Variants in PBX2 observed in about 807,000 individuals in gnomAD.
PBX2 encodes PBX homeobox 2.
A neutral mutation model predicts 46.5 loss-of-function variants in PBX2; 10 were observed. That is an observed-to-expected ratio of 0.21 (90% CI 0.13 to 0.36). PBX2 has a LOEUF of 0.36. Among genes scored for constraint, PBX2 ranks in the 10% least tolerant of loss-of-function variants. The pLI is 1.00. For missense variants in PBX2, 392 were observed against 580.5 expected, an observed-to-expected ratio of 0.68 and a Z score of 3.34; for synonymous variants, 160 against 222.5, an observed-to-expected ratio of 0.72 and a Z score of 2.50.
chr6:32,187,941 G>T lies in PBX2; in HGVS notation c.734+25C>A, dbSNP rs1400091041. On this transcript the variant is annotated intron_variant, in intron 4 of 8. Transcript: ENST00000375050. The surrounding 1 kb of genome is among the most constrained non-coding windows in gnomAD (Gnocchi z 7.7). ...AATGGGAAGGAGCCCAGTGCTGGGGGCCAGCCTGGGGTCCCTGGGCCCACC... is the reference window on the plus strand; with the variant it reads ...AATGGGAAGGAGCCCAGTGCTGGGGTCCAGCCTGGGGTCCCTGGGCCCACC... 1.3e-6 allele frequency: 2 copies of T among 1,525,130 alleles called. No individual in the cohort carries two copies. The highest frequency in any genetic ancestry group is 2.4e-5 in the East Asian group (1 of 42,416). The allele number at this position is 1,525,130 out of a possible 1,614,324, so 94.5% of individuals were successfully genotyped here. A position where few individuals can be genotyped will look rare whatever the true frequency, so the allele number is the denominator to read the frequency against.
chr6:32,185,280 GGAA>G lies in PBX2; in HGVS notation c.*1099_*1101del, dbSNP rs1303228248. ...AGTCCAGCCCTGCCCAAGGGTTGTGGGAAGAAGGGGGATGAGAGGCCAGCAGGG... is the reference window on the plus strand; with the variant it reads ...AGTCCAGCCCTGCCCAAGGGTTGTGGGAAGGGGGATGAGAGGCCAGCAGGG... On this transcript the variant is annotated 3_prime_UTR_variant, in exon 9 of 9. Coordinates refer to ENST00000375050, the MANE Select transcript of PBX2 (RefSeq NM_002586.5). The G allele has an allele frequency of 6.6e-6, 1 of 152,420 alleles. No individual in the cohort carries two copies. Among genetic ancestry groups the G allele is most frequent in the Non-Finnish European group, 1.5e-5 (1 of 67,990 alleles). 9.4% of individuals were successfully genotyped at this position (152,420 alleles called of 1,614,324 possible). A position where few individuals can be genotyped will look rare whatever the true frequency, so the allele number is the denominator to read the frequency against.
rs371557584 is a variant in PBX2 at position 32,187,472 on chromosome 6, A to AT, written c.871-78dup. ...CACTGAATAAGATGTGAGTGACAGCATTTTTTTTTTTTTTGCTTCCTGGTC... is the reference window on the plus strand; with the variant it reads ...CACTGAATAAGATGTGAGTGACAGCATTTTTTTTTTTTTTTGCTTCCTGGTC... On this transcript the variant is annotated intron_variant, in intron 5 of 8. Coordinates refer to ENST00000375050, the MANE Select transcript of PBX2 (RefSeq NM_002586.5). The surrounding 1 kb of genome is among the most constrained non-coding windows in gnomAD (Gnocchi z 7.7). 37,034 of 1,338,872 alleles carry AT rather than the reference A, an allele frequency of 0.028. 1 individual carries two copies. The highest frequency in any genetic ancestry group is 0.033 in the Non-Finnish European group (32,183 of 976,394). The allele number at this position is 1,338,872 out of a possible 1,614,324, so 82.9% of individuals were successfully genotyped here.
At position 32,187,049 on chromosome 6, in the gene PBX2, G is replaced by A; in HGVS notation, c.1025-148C>T. On this transcript the variant is annotated intron_variant, in intron 6 of 8. Coordinates refer to ENST00000375050, the MANE Select transcript of PBX2 (RefSeq NM_002586.5). This position sits in a 1 kb window ranked among gnomAD's most constrained non-coding sequence, Gnocchi z 7.7. Reference sequence around the variant, plus strand: ...ACACAGAAAGAGCAGGCTGTTCCTTGGCCACCCGTGGGAAGAAAGGCAGAA... The same window carrying A: ...ACACAGAAAGAGCAGGCTGTTCCTTAGCCACCCGTGGGAAGAAAGGCAGAA... The A allele has an allele frequency of 9.8e-7, 1 of 1,016,898 alleles. No individual in the cohort carries two copies. The highest frequency in any genetic ancestry group is 1.5e-6 in the Non-Finnish European group (1 of 686,918). 63.0% of individuals were successfully genotyped at this position (1,016,898 alleles called of 1,614,324 possible). A position where few individuals can be genotyped will look rare whatever the true frequency, so the allele number is the denominator to read the frequency against.
Position 32,186,364 on chromosome 6 carries a change from TGACCCTGAGGGGCAA to T in PBX2, c.*3_*17del, listed in dbSNP as rs1249394772. The T allele has an allele frequency of 6.4e-7, 1 of 1,558,740 alleles. No individual in the cohort carries two copies. The highest frequency in any genetic ancestry group is 8.8e-7 in the Non-Finnish European group (1 of 1,132,182). On this transcript the variant is annotated 3_prime_UTR_variant, in exon 9 of 9. Coordinates refer to ENST00000375050, the MANE Select transcript of PBX2 (RefSeq NM_002586.5). The surrounding 1 kb of genome is among the most constrained non-coding windows in gnomAD (Gnocchi z 4.2). ...CGCCTTGTGAGAGCCCCCACCCCTG[TGACCCTGAGGGGCAA>T]GATCAGTTGGAGGTATCAGAGTGAA...
In PBX2 at chr6:32,186,148, AG is replaced by A; in HGVS notation, c.*233del. On this transcript the variant is annotated 3_prime_UTR_variant, in exon 9 of 9. Coordinates refer to ENST00000375050, the MANE Select transcript of PBX2 (RefSeq NM_002586.5). The surrounding 1 kb of genome is among the most constrained non-coding windows in gnomAD (Gnocchi z 4.2). The stretch of plus-strand genomic sequence containing the variant: ...TTCTGTGTAAGAAAGAAAGCGAGAG[AG>A]GAAAAAGATGGAAAAAAGGGAGAGA... The A allele has an allele frequency of 1.8e-6, 1 of 569,428 alleles. No homozygotes were observed. 35.3% of individuals were successfully genotyped at this position (569,428 alleles called of 1,614,324 possible). A position where few individuals can be genotyped will look rare whatever the true frequency, so the allele number is the denominator to read the frequency against.
rs766063887 is a variant in PBX2 at position 32,187,825 on chromosome 6, C to T, written c.735-43G>A. 9 of 1,604,442 alleles carry T rather than the reference C, an allele frequency of 5.6e-6. No homozygotes were observed. The East Asian group carries it at 2.0e-4, about 36-fold the overall frequency. On this transcript the variant is annotated intron_variant, in intron 4 of 8. Coordinates refer to ENST00000375050, the MANE Select transcript of PBX2 (RefSeq NM_002586.5). This position sits in a 1 kb window ranked among gnomAD's most constrained non-coding sequence, Gnocchi z 7.7. ...GAGCAGTGAGGAGGATGTTGATGTC[C>T]TGGCAGGGCTGTCACATGGCATGAC...
rs1256634645 is a variant in PBX2, at chr6:32,187,571, T to G, written c.870+76A>C. On this transcript the variant is annotated intron_variant, in intron 5 of 8. Coordinates refer to ENST00000375050, the MANE Select transcript of PBX2 (RefSeq NM_002586.5). This position sits in a 1 kb window ranked among gnomAD's most constrained non-coding sequence, Gnocchi z 7.7. ...CTTCAGCCTCCCTAGTAGCTGGGAT[T>G]ACAGGAACACACCACTGCACCTAGC... 7.2e-6 allele frequency: 11 copies of G among 1,535,100 alleles called. 1 individual carries two copies. The South Asian group carries it at 1.2e-4, about 17-fold the overall frequency.
chr6:32,186,678 G>A lies in PBX2; in HGVS notation c.1126C>T (p.Arg376Ter), dbSNP rs1407260511. Residue 376 changes from arginine to a stop codon, truncating the protein, a stop_gained, in exon 8 of 9, where the codon CGA becomes TGA. Transcript: ENST00000375050. LOFTEE classifies it high-confidence loss of function. This position sits in a 1 kb window ranked among gnomAD's most constrained non-coding sequence, Gnocchi z 4.2. The part of the protein sequence containing the change: ...SYSASQVESL[R>*]HSMGPGGYGD... ...TAGCCCCCTGGCCCCATCGAGTGTC[G>A]GAGTGATTCCACCTGCAGGCAGCAG... The A allele has an allele frequency of 3.7e-6, 6 of 1,612,738 alleles. No homozygotes were observed. The highest frequency in any genetic ancestry group is 5.1e-6 in the Non-Finnish European group (6 of 1,178,784).
Position 32,188,294 on chromosome 6 carries a change from C to T in PBX2, c.506G>A (p.Arg169His), listed in dbSNP as rs143856649. The change falls in exon 3 of 9, where the codon CGT (arginine) becomes CAT (histidine). Residue 169 changes from arginine to histidine, a missense_variant. By Grantham distance (29) the Arg-to-His change is conservative. Coordinates refer to ENST00000375050, the MANE Select transcript of PBX2 (RefSeq NM_002586.5). The surrounding 1 kb of genome is among the most constrained non-coding windows in gnomAD (Gnocchi z 6.5). ...SDYRSKLAQIRHIYHSELEKY... is the reference protein window; with the variant it reads ...SDYRSKLAQIHHIYHSELEKY... The stretch of plus-strand genomic sequence containing the variant: ...CTCCAGCTCCGAGTGGTATATGTGA[C>T]GGATCTGGGCAAGTTTGCTGCGATA... 5 of 1,613,858 alleles carry T rather than the reference C, an allele frequency of 3.1e-6. No homozygotes were observed. Among genetic ancestry groups the T allele is most frequent in the Non-Finnish European group, 4.2e-6 (5 of 1,180,044 alleles).
Position 32,188,704 on chromosome 6 carries a change from C to T in PBX2, c.295+19G>A. The T allele has an allele frequency of 6.2e-7, 1 of 1,611,850 alleles. No individual in the cohort carries two copies. The highest frequency in any genetic ancestry group is 8.5e-7 in the Non-Finnish European group (1 of 1,179,200). On this transcript the variant is annotated intron_variant, in intron 2 of 8. Coordinates refer to ENST00000375050, the MANE Select transcript of PBX2 (RefSeq NM_002586.5). This position sits in a 1 kb window ranked among gnomAD's most constrained non-coding sequence, Gnocchi z 6.5. ...GGTTCTGTTCCCAGAGTTGAGCAAT[C>T]CGGGGGGGGCCCACATACCAGTTTT... is the stretch of plus-strand genomic sequence containing the variant.
chr6:32,186,970 C>T lies in PBX2; in HGVS notation c.1025-69G>A, dbSNP rs746750862. 2.2e-6 allele frequency: 3 copies of T among 1,336,462 alleles called. No individual in the cohort carries two copies. The highest frequency in any genetic ancestry group is 3.2e-6 in the Non-Finnish European group (3 of 931,468). The allele number at this position is 1,336,462 out of a possible 1,614,324, so 82.8% of individuals were successfully genotyped here. On this transcript the variant is annotated intron_variant, in intron 6 of 8. Transcript: ENST00000375050. The surrounding 1 kb of genome is among the most constrained non-coding windows in gnomAD (Gnocchi z 4.2). The stretch of plus-strand genomic sequence containing the variant: ...GTAGAGGATGAACCACAACTCTCAA[C>T]TCTTGTGGGGACATGCTACTATACT...
At position 32,186,352 on chromosome 6, in the gene PBX2, C is replaced by T. The variant is rs781637389; in HGVS notation, c.*30G>A. On this transcript the variant is annotated 3_prime_UTR_variant, in exon 9 of 9. Transcript: ENST00000375050. This position sits in a 1 kb window ranked among gnomAD's most constrained non-coding sequence, Gnocchi z 4.2. ...TCCTCTTCAAGTCGCCTTGTGAGAG[C>T]CCCCACCCCTGTGACCCTGAGGGGC... The T allele has an allele frequency of 2.8e-5, 41 of 1,489,676 alleles. No individual in the cohort carries two copies. Among genetic ancestry groups the T allele is most frequent in the Non-Finnish European group, 3.5e-5 (37 of 1,070,836 alleles). The allele number at this position is 1,489,676 out of a possible 1,614,324, so 92.3% of individuals were successfully genotyped here.
rs1345595490 is a variant in PBX2 at position 32,187,458 on chromosome 6, AT to A, written c.871-64del. 8.4e-6 allele frequency: 13 copies of A among 1,549,260 alleles called. No homozygotes were observed. The highest frequency in any genetic ancestry group is 1.8e-5 in the Admixed American group (1 of 54,650). On this transcript the variant is annotated intron_variant, in intron 5 of 8. Transcript: ENST00000375050. The surrounding 1 kb of genome is among the most constrained non-coding windows in gnomAD (Gnocchi z 7.7). ...CCTCTGAAGTCCTTCACTGAATAAGATGTGAGTGACAGCATTTTTTTTTTTT... is the reference window on the plus strand; with the variant it reads ...CCTCTGAAGTCCTTCACTGAATAAGAGTGAGTGACAGCATTTTTTTTTTTT...
chr6:32,187,427 C>T lies in PBX2; in HGVS notation c.871-32G>A. On this transcript the variant is annotated intron_variant, in intron 5 of 8. Transcript: ENST00000375050. The surrounding 1 kb of genome is among the most constrained non-coding windows in gnomAD (Gnocchi z 7.7). Reference sequence around the variant, plus strand: ...GGCAGAAAGGAGGGTCAGGTAGAAACATTTGCCTCTGAAGTCCTTCACTGA... The same window carrying T: ...GGCAGAAAGGAGGGTCAGGTAGAAATATTTGCCTCTGAAGTCCTTCACTGA... 3.1e-6 allele frequency: 5 copies of T among 1,608,288 alleles called. No homozygotes were observed. The South Asian group carries it at 5.5e-5, about 18-fold the overall frequency.
At position 32,185,706 on chromosome 6, in the gene PBX2, A is replaced by AC. The variant is rs1787049619; in HGVS notation, c.*675_*676insG. ...GTTTCTTTTTCTTTCTTTAAAAAAAAAAAAGTTCAACCCCAAAGCCCAGTC... is the reference window on the plus strand; with the variant it reads ...GTTTCTTTTTCTTTCTTTAAAAAAAACAAAAGTTCAACCCCAAAGCCCAGTC... On this transcript the variant is annotated 3_prime_UTR_variant, in exon 9 of 9. Coordinates refer to ENST00000375050, the MANE Select transcript of PBX2 (RefSeq NM_002586.5). 6.6e-6 allele frequency: 1 copy of AC among 152,476 alleles called. No individual in the cohort carries two copies. Among genetic ancestry groups the AC allele is most frequent in the Non-Finnish European group, 1.5e-5 (1 of 68,022 alleles). The allele number at this position is 152,476 out of a possible 1,614,324, so 9.4% of individuals were successfully genotyped here.
In PBX2 at chr6:32,187,721, G is replaced by A. The variant is rs1196368040; in HGVS notation, c.796C>T (p.His266Tyr). 1.9e-6 allele frequency: 3 copies of A among 1,611,142 alleles called. No individual in the cohort carries two copies. Reference sequence around the variant, plus strand: ...TCACTAGGATATGGGTTACTCAGGTGGGAGTAGAAATACTCATTTAGGACC... The same window carrying A: ...TCACTAGGATATGGGTTACTCAGGTAGGAGTAGAAATACTCATTTAGGACC... The part of the protein sequence containing the change: ...TEVLNEYFYS[H>Y]LSNPYPSEEA... Residue 266 changes from histidine (H) to tyrosine (Y), a missense_variant, in exon 5 of 9, where the codon CAC (histidine) becomes TAC (tyrosine). Around this residue, in one of 3 missense-constraint regions of PBX2, gnomAD observed 80 missense variants for 175.7 expected, o/e 0.46. Coordinates refer to ENST00000375050, the MANE Select transcript of PBX2 (RefSeq NM_002586.5). The surrounding 1 kb of genome is among the most constrained non-coding windows in gnomAD (Gnocchi z 7.7).
chr6:32,187,772 G>A lies in PBX2; in HGVS notation c.745C>T (p.Arg249Cys), dbSNP rs1396410221. The part of the protein sequence containing the change: ...SRFLDARRKR[R>C]NFSKQATEVL... ...TCAGTGGCCTGTTTGCTGAAGTTAC[G>A]GCGCTTTCGTCTACAGAGGAGGGAG... is the stretch of plus-strand genomic sequence containing the variant. Residue 249 changes from arginine (R) to cysteine (C), a missense_variant, in exon 5 of 9, where the codon CGT becomes TGT. Around this residue, in one of 3 missense-constraint regions of PBX2, gnomAD observed 80 missense variants for 175.7 expected, o/e 0.46. Coordinates refer to ENST00000375050, the MANE Select transcript of PBX2 (RefSeq NM_002586.5). This position sits in a 1 kb window ranked among gnomAD's most constrained non-coding sequence, Gnocchi z 7.7. 7.4e-6 allele frequency: 12 copies of A among 1,612,644 alleles called. No homozygotes were observed. Among genetic ancestry groups the A allele is most frequent in the Middle Eastern group, 3.3e-4 (2 of 6,084 alleles).
In PBX2 at chr6:32,190,091, C is replaced by T. The variant is rs1787373617; in HGVS notation, c.-176G>A. On this transcript the variant is annotated 5_prime_UTR_variant, in exon 1 of 9. Transcript: ENST00000375050. ...GGCACTGAAGGGAGACCTGGGATAC[C>T]GGCTGGGCCCCCCACAGGAGACCCC... 6.5e-6 allele frequency: 3 copies of T among 462,326 alleles called. No individual in the cohort carries two copies. The highest frequency in any genetic ancestry group is 6.1e-5 in the African/African-American group (3 of 48,842). 28.6% of individuals were successfully genotyped at this position (462,326 alleles called of 1,614,324 possible).
In PBX2 at chr6:32,189,888, G is replaced by A. The variant is rs1787343867; in HGVS notation, c.28C>T (p.Pro10Ser). 3 of 1,437,252 alleles carry A rather than the reference G, an allele frequency of 2.1e-6. No homozygotes were observed. The South Asian group carries it at 4.3e-5, about 20-fold the overall frequency. 89.0% of individuals were successfully genotyped at this position (1,437,252 alleles called of 1,614,324 possible). ...AGGCCCCCCCGGCCCCCGCCTGGAG[G>A]GGGCGGCCCCAGTAGCCGTTCGTCC... Reference protein sequence around the residue: MDERLLGPPPPGGGRGGLGL... With the variant: MDERLLGPPSPGGGRGGLGL... Residue 10 changes from proline (P) to serine (S), a missense_variant, in exon 1 of 9, where the codon CCT becomes TCT. Transcript: ENST00000375050. The surrounding 1 kb of genome is among the most constrained non-coding windows in gnomAD (Gnocchi z 4.7).
Sources: gnomAD v4.1 joint callset for allele counts on GRCh38, gnomAD v4.1.1 for gene constraint, gnomAD v4.1.1 regional missense constraint, Gnocchi (gnomAD v3.1) non-coding constraint, MANE v1.5 for transcripts, NCBI Gene and HGNC (gene_info 2026-07-23, HGNC 2026-07-21) for gene names.